Variants in NYAP1 observed in about 807,000 individuals in gnomAD.
NYAP1 encodes the protein neuronal tyrosine phosphorylated phosphoinositide-3-kinase adaptor 1, also known as neuronal tyrosine-phosphorylated phosphoinositide-3-kinase adapter 1.
Under a neutral mutation model 58.6 loss-of-function variants are expected in NYAP1, and 20 were observed. That is an observed-to-expected ratio of 0.34 (90% CI 0.24 to 0.50). The LOEUF (loss-of-function observed/expected upper bound fraction) is 0.50, where lower values mean the gene tolerates loss of function less well. NYAP1 is among the 20% of genes least tolerant of loss of function. The pLI, the probability that NYAP1 is intolerant of heterozygous loss-of-function variation, is 0.98. For missense variants in NYAP1, 1,150 were observed against 1,194.5 expected (o/e 0.96, Z 0.55); for synonymous variants, 572 against 523.1 (o/e 1.09, Z -1.27).
intron 6 of NYAP1, among the ~76,000 whole-genome samples, chr7:100,491,497 T>A (rs543503889): frequency 1.3e-5 from 2 of 151,420 alleles, no homozygotes; most frequent in East Asian, 3.9e-4. Context: ...CTCTGGAGGT[T>A]GAGGTAGGAA....
At chr7:100,489,827 CAGAA>C (rs1268916033) in intron 4 of NYAP1, among the ~76,000 whole-genome samples, 161 bp downstream of exon 4, 4 of 151,886 alleles carry the variant, frequency 2.6e-5, no homozygotes, top group Non-Finnish European at 5.9e-5. Flanking sequence ...GGGCGATAGA[CAGAA>C]AGACCGGGGT....
rs901660858 is a variant in NYAP1, at chr7:100,490,137, C to G, written c.1946-380C>G. ...GCAGCCCTTCCCCCCAGCGCTCCCC[C>G]TTCTGGGCTCAGGAATTGGGATTCT... On this transcript the variant is annotated intron_variant, in intron 4 of 6. Transcript: ENST00000300179. The surrounding 1 kb of genome is among the most constrained non-coding windows in gnomAD (Gnocchi z 4.6). Among the ~76,000 whole-genome samples the G allele has an allele frequency of 7.9e-5, 12 of 152,156 alleles. No individual in the cohort carries two copies. The highest frequency in any genetic ancestry group is 2.9e-4 in the African/African-American group (12 of 41,426).
Position 100,493,837 on chromosome 7 carries a change from G to A in NYAP1, c.2460G>A (p.Glu820=), listed in dbSNP as rs1397019836. The change falls in exon 7 of 7, where the codon GAG becomes GAA. Residue 820 remains glutamate, a synonymous_variant. Transcript: ENST00000300179. ...TCCCCAGCTGGCGGCGGGGACCCGAGCCCCGCAAGTCCGGCACCCCGCCCT... is the reference window on the plus strand; with the variant it reads ...TCCCCAGCTGGCGGCGGGGACCCGAACCCCGCAAGTCCGGCACCCCGCCCT... ...PILPSWRRGP[E]PRKSGTPPCR... 6.4e-7 allele frequency: 1 copy of A among 1,569,124 alleles called. No homozygotes were observed.
chr7:100,489,731 T>G (rs1799768545), intron 4 of NYAP1, 65 bp downstream of exon 4: 30 of 1,016,242 alleles, frequency 3.0e-5, no homozygotes, highest in Admixed American at 6.7e-5. Flanking sequence ...ATGCCTGCGA[T>G]GGTTTGGGGG....
In NYAP1 at chr7:100,488,413, G is replaced by A. The variant is rs1456938072; in HGVS notation, c.692G>A (p.Gly231Glu). 1 of 1,598,780 alleles carries A rather than the reference G, an allele frequency of 6.3e-7. No individual in the cohort carries two copies. The highest frequency in any genetic ancestry group is 8.5e-7 in the Non-Finnish European group (1 of 1,173,456). ...GDVFRGGGRS[G>E]GGLAGPPLGG... Reference sequence around the variant, plus strand: ...GTCTTTAGGGGAGGAGGACGAAGTGGAGGAGGCCTGGCTGGGCCCCCTCTT... The same window carrying A: ...GTCTTTAGGGGAGGAGGACGAAGTGAAGGAGGCCTGGCTGGGCCCCCTCTT... Residue 231 changes from glycine to glutamate, a missense_variant, in exon 4 of 7, where the codon GGA (glycine) becomes GAA (glutamate). By Grantham distance (98) the Gly-to-Glu change is moderately conservative (BLOSUM62 -2). Coordinates refer to ENST00000300179, the MANE Select transcript of NYAP1 (RefSeq NM_173564.4). This position sits in a 1 kb window ranked among gnomAD's most constrained non-coding sequence, Gnocchi z 5.9.
intron 6 of NYAP1, among the ~76,000 whole-genome samples, chr7:100,491,602 A>G (rs1450959668): frequency 6.8e-6 from 1 of 146,244 alleles, no homozygotes; most frequent in Admixed American, 6.9e-5. Context: ...GTCTTAGAAG[A>G]AAAAAAAAAA....
intron 6 of NYAP1, among the ~76,000 whole-genome samples, chr7:100,491,771 A>G (rs1319299137): frequency 6.6e-6 from 1 of 151,194 alleles, no homozygotes; most frequent in Admixed American, 6.6e-5. Context: ...AATTAGGGCC[A>G]GGTGCGGTGG....
In NYAP1 at chr7:100,485,539, C is replaced by T. The variant is rs978354840; in HGVS notation, c.68+160C>T. ...CAGGATTGCACACACTGTCCTGGCC[C>T]AACTCCTGCTCTCCTGTGGGGGGGT... is the stretch of plus-strand genomic sequence containing the variant. On this transcript the variant is annotated intron_variant, in intron 2 of 6. Coordinates refer to ENST00000300179, the MANE Select transcript of NYAP1 (RefSeq NM_173564.4). This position sits in a 1 kb window ranked among gnomAD's most constrained non-coding sequence, Gnocchi z 5.7. 6.6e-6 allele frequency among the ~76,000 whole-genome samples: 1 copy of T among 152,206 alleles called. No homozygotes were observed. The highest frequency in any genetic ancestry group is 2.4e-5 in the African/African-American group (1 of 41,452).
rs368554898 is a variant in NYAP1 at position 100,488,601 on chromosome 7, G to A, written c.880G>A (p.Ala294Thr). 5.6e-6 allele frequency: 9 copies of A among 1,610,388 alleles called. No homozygotes were observed. Among genetic ancestry groups the A allele is most frequent in the African/African-American group, 2.7e-5 (2 of 74,722 alleles). The change falls in exon 4 of 7, where the codon GCC (alanine) becomes ACC (threonine). Residue 294 changes from alanine to threonine, a missense_variant. Physicochemically the swap from Ala to Thr is moderately conservative, Grantham distance 58. Coordinates refer to ENST00000300179, the MANE Select transcript of NYAP1 (RefSeq NM_173564.4). This position sits in a 1 kb window ranked among gnomAD's most constrained non-coding sequence, Gnocchi z 5.9. Reference protein sequence around the residue: ...TATSPPQQPHALPPHAHRRPA... With the variant: ...TATSPPQQPHTLPPHAHRRPA... Reference sequence around the variant, plus strand: ...AACATCCCCGCCACAACAGCCTCACGCCCTTCCGCCCCATGCCCACCGCCG... The same window carrying A: ...AACATCCCCGCCACAACAGCCTCACACCCTTCCGCCCCATGCCCACCGCCG...
At chr7:100,493,523 T>C in intron 6 of NYAP1, 123 bp from the exon 7 acceptor site, 2 of 905,940 alleles carry the variant, frequency 2.2e-6, no homozygotes, top group Non-Finnish European at 3.2e-6. Context: ...CAGAGGCCGT[T>C]GGGGGGCAAG....
chr7:100,490,941 T>C lies in NYAP1; in HGVS notation c.2159-45T>C, dbSNP rs2131069377. 1 of 1,288,146 alleles carries C rather than the reference T, an allele frequency of 7.8e-7. No homozygotes were observed. The highest frequency in any genetic ancestry group is 1.3e-5 in the South Asian group (1 of 75,082). The allele number at this position is 1,288,146 out of a possible 1,614,324, so 79.8% of individuals were successfully genotyped here. ...AGGGGACTGGGAACTAGGGGAGGGG[T>C]ACCTGAGGCCCCTGCACTCCTCACT... On this transcript the variant is annotated intron_variant, in intron 5 of 6. Transcript: ENST00000300179. This position sits in a 1 kb window ranked among gnomAD's most constrained non-coding sequence, Gnocchi z 4.6.
Position 100,490,620 on chromosome 7 carries a change from C to G in NYAP1, c.2049C>G (p.Ser683Arg), listed in dbSNP as rs757116543. 5.1e-6 allele frequency: 8 copies of G among 1,574,608 alleles called. No homozygotes were observed. The highest frequency in any genetic ancestry group is 6.9e-6 in the Non-Finnish European group (8 of 1,160,336). ...GPGTSGIPVR[S>R]QGAEGLLARI... ...GGACATCGGGGATCCCAGTGAGAAG[C>G]CAGGGGGCAGAGGGACTGCTGGCCA... Residue 683 changes from serine to arginine, a missense_variant, in exon 5 of 7, where the codon AGC (serine) becomes AGG (arginine). Ser to Arg is a moderately radical substitution (Grantham distance 110). Transcript: ENST00000300179. The surrounding 1 kb of genome is among the most constrained non-coding windows in gnomAD (Gnocchi z 4.6).
chr7:100,491,365 G>A (rs1280760688), intron 6 of NYAP1, among the ~76,000 whole-genome samples: 1 of 152,084 alleles, frequency 6.6e-6, no homozygotes. Flanking sequence ...CAGAAGCCAA[G>A]GCAGGTAGAT....
In NYAP1 at chr7:100,493,999, C is replaced by T. The variant is rs901406308; in HGVS notation, c.*96C>T. On this transcript the variant is annotated 3_prime_UTR_variant, in exon 7 of 7. Coordinates refer to ENST00000300179, the MANE Select transcript of NYAP1 (RefSeq NM_173564.4). ...CGCCTTGAGAGACATTGAAAGACTACGTGGGAGAGTGCCAGGGAGAACCCC... is the reference window on the plus strand; with the variant it reads ...CGCCTTGAGAGACATTGAAAGACTATGTGGGAGAGTGCCAGGGAGAACCCC... The T allele has an allele frequency of 2.5e-5, 28 of 1,119,174 alleles. No homozygotes were observed. The highest frequency in any genetic ancestry group is 2.0e-5 in the Non-Finnish European group (17 of 830,152). 69.3% of individuals were successfully genotyped at this position (1,119,174 alleles called of 1,614,324 possible).
intron 6 of NYAP1, among the ~76,000 whole-genome samples, chr7:100,492,896 CAAAAG>C (rs761825035): frequency 4.2e-5 from 6 of 144,348 alleles, no homozygotes; most frequent in Admixed American, 7.0e-5. Flanking sequence ...GAGAACCTGT[CAAAAG>C]AAAGAAAAAG....
Position 100,489,430 on chromosome 7 carries a change from G to C in NYAP1, c.1709G>C (p.Gly570Ala). The C allele has an allele frequency of 1.2e-6, 2 of 1,612,966 alleles. No individual in the cohort carries two copies. Among genetic ancestry groups the C allele is most frequent in the Non-Finnish European group, 1.7e-6 (2 of 1,179,880 alleles). ...RPPAYESLKAGGVLNKGCGVG... is the reference protein window; with the variant it reads ...RPPAYESLKAAGVLNKGCGVG... Reference sequence around the variant, plus strand: ...CCTGCCTATGAGAGCCTCAAGGCTGGGGGGGTGCTGAATAAGGGCTGTGGT... The same window carrying C: ...CCTGCCTATGAGAGCCTCAAGGCTGCGGGGGTGCTGAATAAGGGCTGTGGT... The change falls in exon 4 of 7, where the codon GGG becomes GCG. Residue 570 changes from glycine to alanine, a missense_variant. Transcript: ENST00000300179.
rs747614436 is a variant in NYAP1, at chr7:100,487,224, T to C, written c.430+42T>C. On this transcript the variant is annotated intron_variant, in intron 3 of 6. Transcript: ENST00000300179. This position sits in a 1 kb window ranked among gnomAD's most constrained non-coding sequence, Gnocchi z 4.1. Reference sequence around the variant, plus strand: ...CTCTCCCTGGGGTGGAGCTGGGAGCTGGGAGGATCTATTCCACGCCCGGGG... The same window carrying C: ...CTCTCCCTGGGGTGGAGCTGGGAGCCGGGAGGATCTATTCCACGCCCGGGG... The C allele has an allele frequency of 3.4e-6, 5 of 1,466,760 alleles. No homozygotes were observed. Among genetic ancestry groups the C allele is most frequent in the Admixed American group, 5.1e-5 (2 of 39,140 alleles). The allele number at this position is 1,466,760 out of a possible 1,614,324, so 90.9% of individuals were successfully genotyped here. A position where few individuals can be genotyped will look rare whatever the true frequency, so the allele number is the denominator to read the frequency against.
Position 100,489,598 on chromosome 7 carries a change from C to T in NYAP1, c.1877C>T (p.Thr626Ile), listed in dbSNP as rs2131068136. Reference sequence around the variant, plus strand: ...GAAGAAGAGGAGGTGGGCGCCGCGACATTTGGGGCAGGCTGGGCCCTGCAG... The same window carrying T: ...GAAGAAGAGGAGGTGGGCGCCGCGATATTTGGGGCAGGCTGGGCCCTGCAG... ...EEEEEEVGAA[T>I]FGAGWALQRK... The change falls in exon 4 of 7, where the codon ACA becomes ATA. Residue 626 changes from threonine to isoleucine, a missense_variant. By Grantham distance (89) the Thr-to-Ile change is moderately conservative (BLOSUM62 -1). Transcript: ENST00000300179. The T allele has an allele frequency of 1.3e-6, 2 of 1,597,066 alleles. No individual in the cohort carries two copies. The highest frequency in any genetic ancestry group is 1.7e-5 in the Admixed American group (1 of 58,916).
chr7:100,489,910 C>T (rs1799771628), intron 4 of NYAP1, among the ~76,000 whole-genome samples: 1 of 152,026 alleles, frequency 6.6e-6, no homozygotes, highest in African/African-American at 2.4e-5. Flanking sequence ...CCCTGTCCTG[C>T]TCTGCTCCCT....
Sources: gnomAD v4.1 joint callset for allele counts (sites outside exome capture counted in the v4.1 genomes callset) on GRCh38, gnomAD v4.1.1 for gene constraint, Gnocchi (gnomAD v3.1) non-coding constraint, MANE v1.5 for transcripts, NCBI Gene and HGNC (gene_info 2026-07-23, HGNC 2026-07-21) for gene names.